VWA8: variants seen among roughly 807,000 people sequenced by gnomAD.
VWA8 encodes the protein von Willebrand factor A domain-containing protein 8.
Under a neutral mutation model 241.5 loss-of-function variants are expected in VWA8, and 221 were observed. The observed-to-expected ratio is 0.91, with a 90% CI of 0.82 to 1.02. The LOEUF (loss-of-function observed/expected upper bound fraction) is 1.02, where lower values mean the gene tolerates loss of function less well. Ranked by LOEUF, VWA8 falls within the 50% of genes least tolerant of loss-of-function variation. The probability of loss-of-function intolerance (pLI) is 0.00; values close to 1 mark genes in which losing one functional copy is unlikely to be tolerated. For synonymous variants in VWA8, 852 were observed against 827.1 expected, an observed-to-expected ratio of 1.03 and a Z score of -0.52; for missense variants, 2,322 against 2,328.7, an observed-to-expected ratio of 1.00 and a Z score of 0.06.
At chr13:41,655,824 C>G (rs543124856) in intron 37 of VWA8, among the ~76,000 whole-genome samples, 11 of 152,284 alleles carry the variant, frequency 7.2e-5, no homozygotes, top group African/African-American at 2.6e-4. Flanking sequence ...TTTGTATAGT[C>G]TATCTATCTA....
At chr13:41,648,669 T>C (rs2044848885) in intron 37 of VWA8, among the ~76,000 whole-genome samples, 2 of 152,226 alleles carry the variant, frequency 1.3e-5, no homozygotes, top group Admixed American at 6.5e-5. Context: ...ATACTTTACA[T>C]ACAGACCTAC....
chr13:41,747,388 G>T (rs968938990), intron 21 of VWA8, among the ~76,000 whole-genome samples: 4 of 152,076 alleles, frequency 2.6e-5, no homozygotes, highest in Non-Finnish European at 5.9e-5. Context: ...CTCATGATTT[G>T]GCTCTGTGTT....
At chr13:41,882,672 C>T (rs953022729) in intron 9 of VWA8, among the ~76,000 whole-genome samples, 5 of 152,184 alleles carry the variant, frequency 3.3e-5, no homozygotes, top group East Asian at 1.9e-4. Flanking sequence ...GGCGTGGCGT[C>T]GCGCGCCTGC....
At position 41,921,089 on chromosome 13, in the gene VWA8, T is replaced by C. The variant is rs191010846; in HGVS notation, c.242-8921A>G. On this transcript the variant is annotated intron_variant, in intron 2 of 44. Transcript: ENST00000379310. ...AGCACATCAAAAAGCTTATCCGCCA[T>C]GATCAAGTTGGTTTCATCCCTGGGA... 6.3e-3 allele frequency among the ~76,000 whole-genome samples: 965 copies of C among 152,322 alleles called. 9 individuals carry two copies. Among genetic ancestry groups the C allele is most frequent in the African/African-American group, 0.022 (921 of 41,576 alleles).
chr13:41,960,866 C>G lies in VWA8; in HGVS notation c.150G>C (p.Ser50=). ...ACCCCGAGTTACCTGTGTCGGCCCC[C>G]GAGCCGGCGTGCAACAGTCTGACCT... ...RPEVRLLHAG[S]GADTGDTVNI... The change falls in exon 1 of 45, where the codon TCG becomes TCC. Residue 50 remains serine (S), a synonymous_variant. Coordinates refer to ENST00000379310, the MANE Select transcript of VWA8 (RefSeq NM_015058.2). 1 of 1,518,342 alleles carries G rather than the reference C, an allele frequency of 6.6e-7. No homozygotes were observed. Among genetic ancestry groups the G allele is most frequent in the Non-Finnish European group, 8.8e-7 (1 of 1,139,116 alleles). 94.1% of individuals were successfully genotyped at this position (1,518,342 alleles called of 1,614,324 possible).
At chr13:41,887,117 G>A in intron 6 of VWA8, 80 bp downstream of exon 6, 1 of 1,488,256 alleles carries the variant, frequency 6.7e-7, no homozygotes, top group Non-Finnish European at 9.1e-7. Flanking sequence ...CAAAACTGCA[G>A]TAACATTTTT....
chr13:41,943,506 T>C (rs1160868846), intron 2 of VWA8, among the ~76,000 whole-genome samples: 1 of 152,056 alleles, frequency 6.6e-6, no homozygotes, highest in Non-Finnish European at 1.5e-5. Context: ...AGCACTAACT[T>C]TAAAAAATAA....
intron 43 of VWA8, among the ~76,000 whole-genome samples, chr13:41,573,486 A>AAAAAAATAAATATATATATATATATATAT: frequency 1.6e-4 from 18 of 113,596 alleles, no homozygotes; most frequent in African/African-American, 5.5e-4. Context: ...AAAAAAAAAA[A>AAAAAAATAAATATATATATATATATATAT]ATATATATAT....
intron 37 of VWA8, among the ~76,000 whole-genome samples, chr13:41,654,524 C>T (rs2044889385): frequency 6.6e-6 from 1 of 152,184 alleles, no homozygotes. Flanking sequence ...ATAAGGAGGA[C>T]ACAATTTACA....
At position 41,961,101 on chromosome 13, in the gene VWA8, G is replaced by C; in HGVS notation, c.-86C>G. On this transcript the variant is annotated 5_prime_UTR_variant, in exon 1 of 45. Transcript: ENST00000379310. ...AGGCACCGTGAGGCAGCGCGGAGAA[G>C]GGGACAGGAAGCGGCACCTAGCCGA... is the stretch of plus-strand genomic sequence containing the variant. 7.9e-7 allele frequency: 1 copy of C among 1,259,376 alleles called. No individual in the cohort carries two copies. The highest frequency in any genetic ancestry group is 1.0e-6 in the Non-Finnish European group (1 of 976,910). The allele number at this position is 1,259,376 out of a possible 1,614,324, so 78.0% of individuals were successfully genotyped here.
At chr13:41,924,663 C>A (rs1305748617) in intron 2 of VWA8, among the ~76,000 whole-genome samples, 6 of 151,974 alleles carry the variant, frequency 3.9e-5, no homozygotes, top group African/African-American at 1.2e-4. Flanking sequence ...TACAAAATTA[C>A]TGAAACACTA....
At chr13:41,870,235 A>T (rs1873526043) in intron 9 of VWA8, among the ~76,000 whole-genome samples, 2 of 152,234 alleles carry the variant, frequency 1.3e-5, no homozygotes, top group South Asian at 2.1e-4. Context: ...GTAGACAAAT[A>T]ACAACTATTG....
chr13:41,584,272 C>T (rs1418922401), intron 42 of VWA8, among the ~76,000 whole-genome samples: 1 of 152,164 alleles, frequency 6.6e-6, no homozygotes, highest in Admixed American at 6.5e-5. Flanking sequence ...GGGCTCTATG[C>T]TACTATCTCC....
At chr13:41,575,705 G>T in intron 43 of VWA8, 35 bp downstream of exon 43, 1 of 1,494,200 alleles carries the variant, frequency 6.7e-7, no homozygotes, top group Non-Finnish European at 9.2e-7. Context: ...CCTGATAGAA[G>T]CTTTCATAAT....
In VWA8 at chr13:41,770,302, G is replaced by A. The variant is rs183133489; in HGVS notation, c.2349+7683C>T. Among the ~76,000 whole-genome samples, 1,207 of 152,070 alleles carry A rather than the reference G, an allele frequency of 7.9e-3. 11 individuals carry two copies. The highest frequency in any genetic ancestry group is 0.017 in the South Asian group (82 of 4,814). On this transcript the variant is annotated intron_variant, in intron 20 of 44. Coordinates refer to ENST00000379310, the MANE Select transcript of VWA8 (RefSeq NM_015058.2). The stretch of plus-strand genomic sequence containing the variant: ...AAAAATACAAAAAAATTAGCCAGGC[G>A]CGGTGGCGGGCGCCTGTAGTCCCAG...
At chr13:41,775,408 A>G (rs978008003) in intron 20 of VWA8, among the ~76,000 whole-genome samples, 4 of 152,366 alleles carry the variant, frequency 2.6e-5, no homozygotes, top group South Asian at 2.1e-4. Context: ...GCAGGATAAG[A>G]GTACAAGATG....
At chr13:41,743,950 T>C (rs1474069200) in intron 21 of VWA8, among the ~76,000 whole-genome samples, 2 of 152,210 alleles carry the variant, frequency 1.3e-5, no homozygotes, top group Admixed American at 6.5e-5. Flanking sequence ...AAGCTCAAAG[T>C]TAAACCTTTC....
At chr13:41,788,881 G>A (rs749697647) in intron 17 of VWA8, among the ~76,000 whole-genome samples, 4 of 152,234 alleles carry the variant, frequency 2.6e-5, no homozygotes, top group South Asian at 2.1e-4. Context: ...TATAGTCTGC[G>A]TGTCAACACA....
chr13:41,657,917 G>A (rs1471168061), intron 37 of VWA8, among the ~76,000 whole-genome samples: 3 of 152,234 alleles, frequency 2.0e-5, no homozygotes, highest in South Asian at 4.1e-4. Context: ...GTCCTAAGAC[G>A]TCTACTGGAG....
Sources: gnomAD v4.1 joint callset for allele counts (sites outside exome capture counted in the v4.1 genomes callset) on GRCh38, gnomAD v4.1.1 for gene constraint, MANE v1.5 for transcripts, NCBI Gene and HGNC (gene_info 2026-07-23, HGNC 2026-07-21) for gene names.